Variants in PXDNL observed in about 807,000 individuals in gnomAD.
The protein encoded by PXDNL is probable oxidoreductase PXDNL.
A neutral mutation model predicts 150.8 loss-of-function variants in PXDNL; 145 were observed. The observed-to-expected ratio is 0.96, with a 90% CI of 0.84 to 1.10. The LOEUF (loss-of-function observed/expected upper bound fraction) is 1.10. PXDNL is among the 50% of genes least tolerant of loss of function. The pLI is 0.00. For synonymous variants in PXDNL, 757 were observed against 725.7 expected, an observed-to-expected ratio of 1.04 and a Z score of -0.69; for missense variants, 2,087 against 1,873.9, an observed-to-expected ratio of 1.11 and a Z score of -2.10.
intron 1 of PXDNL, among the ~76,000 whole-genome samples, chr8:51,700,639 T>A (rs1816238265): frequency 1.3e-5 from 2 of 151,352 alleles, no homozygotes; most frequent in South Asian, 4.2e-4. Context: ...CACACACAAG[T>A]ATATGCACAT....
At chr8:51,610,894 T>G (rs941815727) in intron 2 of PXDNL, among the ~76,000 whole-genome samples, 2 of 152,164 alleles carry the variant, frequency 1.3e-5, no homozygotes, top group African/African-American at 4.8e-5. Flanking sequence ...CAAGATGATC[T>G]CCCTTTTGAT....
intron 1 of PXDNL, among the ~76,000 whole-genome samples, chr8:51,802,675 T>C (rs2037633568): frequency 6.6e-6 from 1 of 152,200 alleles, no homozygotes; most frequent in Non-Finnish European, 1.5e-5. Flanking sequence ...TGAATGCTTT[T>C]ATATTGCATT....
At chr8:51,381,253 A>T (rs562171526) in intron 17 of PXDNL, among the ~76,000 whole-genome samples, 1 of 152,320 alleles carries the variant, frequency 6.6e-6, no homozygotes, top group South Asian at 2.1e-4. Flanking sequence ...TGAAGAGCAT[A>T]TGTCAAAACT....
At chr8:51,757,238 T>C (rs1036924971) in intron 1 of PXDNL, among the ~76,000 whole-genome samples, 1 of 152,210 alleles carries the variant, frequency 6.6e-6, no homozygotes, top group African/African-American at 2.4e-5. Context: ...TCAATTCCTC[T>C]AGACTTGTTT....
intron 2 of PXDNL, among the ~76,000 whole-genome samples, chr8:51,599,637 GATATCATTTATATAATAAATT>G (rs1813650041): frequency 1.4e-5 from 2 of 144,032 alleles, no homozygotes; most frequent in South Asian, 4.3e-4. Flanking sequence ...TTATATAAAT[GATATCATTTATATAATAAATT>G]ATATCTTATA....
chr8:51,534,833 G>A (rs866840637), intron 4 of PXDNL, among the ~76,000 whole-genome samples: 137 of 64,848 alleles, frequency 2.1e-3, no homozygotes, highest in East Asian at 3.9e-3. Context: ...CGCCCCGTCC[G>A]GGAGGGAGGT....
At chr8:51,489,713 A>G (rs1275982362) in intron 5 of PXDNL, among the ~76,000 whole-genome samples, 1 of 152,220 alleles carries the variant, frequency 6.6e-6, no homozygotes, top group East Asian at 1.9e-4. Flanking sequence ...AATAGAATGG[A>G]TTCTTCAAAG....
At chr8:51,457,098 T>A (rs556153104) in intron 9 of PXDNL, among the ~76,000 whole-genome samples, 1 of 152,376 alleles carries the variant, frequency 6.6e-6, no homozygotes, top group South Asian at 2.1e-4. Flanking sequence ...ACGTGGTTGA[T>A]AACCATGCAA....
intron 1 of PXDNL, among the ~76,000 whole-genome samples, chr8:51,680,222 C>T (rs1248973876): frequency 6.6e-6 from 1 of 152,122 alleles, no homozygotes; most frequent in African/African-American, 2.4e-5. Context: ...CACCAAAGGC[C>T]GGGTGTCTGT....
intron 8 of PXDNL, among the ~76,000 whole-genome samples, 189 bp from the exon 9 acceptor site, chr8:51,457,856 C>A (rs1171488266): frequency 1.3e-5 from 2 of 152,222 alleles, no homozygotes; most frequent in Non-Finnish European, 1.5e-5. Flanking sequence ...CAAGAATACA[C>A]CCTGAACAAA....
chr8:51,644,365 T>A lies in PXDNL; in HGVS notation c.236+10324A>T, dbSNP rs374091582. Among the ~76,000 whole-genome samples the A allele has an allele frequency of 9.8e-5, 7 of 71,394 alleles. 1 individual carries two copies. In the East Asian group the frequency reaches 1.8e-3, roughly 19 times the overall value. The allele number at this position is 71,394 out of a possible 152,430, so 46.8% of individuals were successfully genotyped here. A position where few individuals can be genotyped will look rare whatever the true frequency, so the allele number is the denominator to read the frequency against. On this transcript the variant is annotated intron_variant, in intron 2 of 22. Coordinates refer to ENST00000356297, the MANE Select transcript of PXDNL (RefSeq NM_144651.5). ...ACACACACACACACACACACACACA[T>A]ATGTATATATATACACACACATATG...
chr8:51,449,724 G>A (rs1173157515), intron 10 of PXDNL, among the ~76,000 whole-genome samples: 2 of 152,144 alleles, frequency 1.3e-5, no homozygotes, highest in African/African-American at 4.8e-5. Context: ...GTGACTCTTT[G>A]ATTGAATAAA....
chr8:51,400,744 G>A (rs1586072369), intron 17 of PXDNL, among the ~76,000 whole-genome samples: 1 of 152,122 alleles, frequency 6.6e-6, no homozygotes, highest in Non-Finnish European at 1.5e-5. Flanking sequence ...TGGGGTTAAG[G>A]TCATGTAAGA....
chr8:51,689,209 T>C (rs1815938478), intron 1 of PXDNL, among the ~76,000 whole-genome samples: 1 of 152,232 alleles, frequency 6.6e-6, no homozygotes, highest in South Asian at 2.1e-4. Flanking sequence ...GTGTGGGAGC[T>C]GCTCTGCAGC....
At chr8:51,724,130 G>A (rs1816781489) in intron 1 of PXDNL, among the ~76,000 whole-genome samples, 1 of 152,138 alleles carries the variant, frequency 6.6e-6, no homozygotes. Context: ...GACAGGAGCA[G>A]GTTGGGAGGA....
rs535096207 is a variant in PXDNL at position 51,499,986 on chromosome 8, C to A, written c.381-216G>T. ...TGATGTTCCAAAGGGGAATCCAAAG[C>A]CCACCCAGAAAGGAGCATGATGCTG... On this transcript the variant is annotated intron_variant, in intron 4 of 22. Transcript: ENST00000356297. 2.0e-5 allele frequency among the ~76,000 whole-genome samples: 3 copies of A among 152,276 alleles called. No individual in the cohort carries two copies. In the South Asian group the frequency reaches 6.2e-4, roughly 32 times the overall value.
At chr8:51,450,822 G>A (rs1809790370) in intron 10 of PXDNL, among the ~76,000 whole-genome samples, 1 of 152,122 alleles carries the variant, frequency 6.6e-6, no homozygotes, top group Non-Finnish European at 1.5e-5. Context: ...GACTCTGGGA[G>A]GTAGGATTGA....
intron 3 of PXDNL, among the ~76,000 whole-genome samples, chr8:51,589,953 A>G (rs1346995616): frequency 6.6e-6 from 1 of 152,130 alleles, no homozygotes; most frequent in East Asian, 1.9e-4. Flanking sequence ...GAACAGGAGA[A>G]AGACTTCAAA....
intron 3 of PXDNL, among the ~76,000 whole-genome samples, chr8:51,574,799 A>G (rs1229644369): frequency 1.3e-5 from 2 of 152,032 alleles, no homozygotes; most frequent in Non-Finnish European, 2.9e-5. Flanking sequence ...CCAGAATCCT[A>G]TATCTAGCTA....
Sources: gnomAD v4.1 joint callset for allele counts (sites outside exome capture counted in the v4.1 genomes callset) on GRCh38, gnomAD v4.1.1 for gene constraint, MANE v1.5 for transcripts, NCBI Gene and HGNC (gene_info 2026-07-23, HGNC 2026-07-21) for gene names.